TPD52L1: variants seen among roughly 807,000 people sequenced by gnomAD.
TPD52L1 encodes the protein TPD52 like 1.
TPD52L1 carries 18 observed loss-of-function variants against 28.7 expected under a neutral mutation model. The observed-to-expected ratio is 0.63, with a 90% CI of 0.43 to 0.93. The LOEUF is 0.93. TPD52L1 is among the 40% of genes least tolerant of loss of function. TPD52L1 has a pLI of 0.00. For synonymous variants in TPD52L1, 75 were observed against 88.8 expected (o/e 0.84, Z 0.88); for missense variants, 203 against 254.8 (o/e 0.80, Z 1.39).
intron 2 of TPD52L1, chr6:125,222,073 T>C (rs1795273616): frequency 6.6e-6 from 1 of 152,264 alleles, no homozygotes; most frequent in Admixed American, 6.5e-5. Flanking sequence ...CTCTGCTTTA[T>C]GCTCATTCTG....
chr6:125,216,525 G>GTATA (rs1554210698), intron 1 of TPD52L1, among the ~76,000 whole-genome samples: 45 of 104,834 alleles, frequency 4.3e-4, no homozygotes, highest in African/African-American at 9.0e-4. Context: ...TTCAGTATGT[G>GTATA]TGTGTATATA....
chr6:125,229,858 G>A (rs965361777), intron 3 of TPD52L1, among the ~76,000 whole-genome samples: 9 of 152,088 alleles, frequency 5.9e-5, no homozygotes, highest in African/African-American at 1.7e-4. Flanking sequence ...AAGCTGAGGC[G>A]GGTGGATCAC....
At chr6:125,220,830 A>T (rs1039875385) in intron 2 of TPD52L1, among the ~76,000 whole-genome samples, 12 of 152,132 alleles carry the variant, frequency 7.9e-5, no homozygotes, top group African/African-American at 2.9e-4. Flanking sequence ...TGCAATACCC[A>T]CTTTAGACAC....
chr6:125,156,924 A>G (rs967966458), intron 1 of TPD52L1, among the ~76,000 whole-genome samples: 134 of 152,310 alleles, frequency 8.8e-4, no homozygotes, highest in African/African-American at 3.2e-3. Context: ...TTTGCCTAGC[A>G]TTTTAAGATT....
chr6:125,228,666 C>A (rs867733659), intron 2 of TPD52L1, among the ~76,000 whole-genome samples: 8 of 152,226 alleles, frequency 5.3e-5, no homozygotes, highest in East Asian at 1.9e-4. Context: ...CATAGTGAGA[C>A]CCTGTCTCTT....
At chr6:125,214,713 CTAGGAAAA>C (rs1794746901) in intron 1 of TPD52L1, among the ~76,000 whole-genome samples, 1 of 152,096 alleles carries the variant, frequency 6.6e-6, no homozygotes, top group South Asian at 2.1e-4. Context: ...CTTAGACCAG[CTAGGAAAA>C]TATTACATTT....
intron 3 of TPD52L1, among the ~76,000 whole-genome samples, chr6:125,235,069 G>C (rs1401131337): frequency 6.7e-6 from 1 of 149,546 alleles, no homozygotes; most frequent in African/African-American, 2.5e-5. Flanking sequence ...ACTCCAGCCT[G>C]GGTGACCAAG....
At chr6:125,183,158 C>T (rs982067804) in intron 1 of TPD52L1, among the ~76,000 whole-genome samples, 1 of 152,094 alleles carries the variant, frequency 6.6e-6, no homozygotes, top group Non-Finnish European at 1.5e-5. Context: ...AACTTTTGAG[C>T]GGTGAGATTG....
At position 125,231,987 on chromosome 6, in the gene TPD52L1, G is replaced by T. The variant is rs185113380; in HGVS notation, c.284+2721G>T. ...TATTTGCTGCTGTGAGAAAGACTGAGAAACAAGTCTGGAGGAGAGGCACAA... is the reference window on the plus strand; with the variant it reads ...TATTTGCTGCTGTGAGAAAGACTGATAAACAAGTCTGGAGGAGAGGCACAA... On this transcript the variant is annotated intron_variant, in intron 3 of 6. Coordinates refer to ENST00000534000, the MANE Select transcript of TPD52L1 (RefSeq NM_003287.4). Among the ~76,000 whole-genome samples, 212 of 152,286 alleles carry T rather than the reference G, an allele frequency of 1.4e-3. 2 individuals are homozygous for T. Among genetic ancestry groups the T allele is most frequent in the African/African-American group, 4.9e-3 (205 of 41,564 alleles).
intron 1 of TPD52L1, among the ~76,000 whole-genome samples, chr6:125,182,427 T>C (rs1268143747): frequency 6.6e-6 from 1 of 152,138 alleles, no homozygotes; most frequent in Non-Finnish European, 1.5e-5. Flanking sequence ...AGTGAGGTGC[T>C]GATGAGTGTT....
intron 2 of TPD52L1, among the ~76,000 whole-genome samples, chr6:125,223,462 A>G (rs1582961859): frequency 1.3e-5 from 2 of 152,122 alleles, no homozygotes; most frequent in African/African-American, 4.8e-5. Context: ...TAATCCCAGC[A>G]CTTTGGGAGG....
intron 1 of TPD52L1, among the ~76,000 whole-genome samples, chr6:125,190,159 A>G (rs1792939070): frequency 6.6e-6 from 1 of 152,212 alleles, no homozygotes; most frequent in South Asian, 2.1e-4. Context: ...TGTGAACTAT[A>G]TTGATCATAA....
intron 1 of TPD52L1, among the ~76,000 whole-genome samples, chr6:125,183,432 T>C (rs1446548652): frequency 6.6e-6 from 1 of 152,084 alleles, no homozygotes; most frequent in Non-Finnish European, 1.5e-5. Context: ...TGAGCTGAGA[T>C]TGTGCCACTT....
At chr6:125,242,853 G>A (rs1247509944) in intron 3 of TPD52L1, among the ~76,000 whole-genome samples, 1 of 151,906 alleles carries the variant, frequency 6.6e-6, no homozygotes, top group Admixed American at 6.6e-5. Flanking sequence ...CCTAAATACT[G>A]TTTTGTTTTG....
chr6:125,175,220 T>G (rs1250346631), intron 1 of TPD52L1, among the ~76,000 whole-genome samples: 1 of 152,170 alleles, frequency 6.6e-6, no homozygotes, highest in African/African-American at 2.4e-5. Context: ...TGGAGAGCAC[T>G]CTATAAATAC....
At chr6:125,166,797 G>T (rs1174390447) in intron 1 of TPD52L1, among the ~76,000 whole-genome samples, 1 of 151,660 alleles carries the variant, frequency 6.6e-6, no homozygotes, top group Admixed American at 6.6e-5. Flanking sequence ...AAAGATAAAT[G>T]GGTCCTTAGG....
chr6:125,188,664 A>C (rs1792822114), intron 1 of TPD52L1, among the ~76,000 whole-genome samples: 1 of 152,090 alleles, frequency 6.6e-6, no homozygotes, highest in Admixed American at 6.6e-5. Context: ...ACTTTATTTT[A>C]TCTCATTTAA....
At chr6:125,188,562 G>A (rs1000991384) in intron 1 of TPD52L1, among the ~76,000 whole-genome samples, 3 of 152,168 alleles carry the variant, frequency 2.0e-5, no homozygotes, top group African/African-American at 7.2e-5. Flanking sequence ...ATGCCTGTGT[G>A]TGTGTGCATA....
intron 3 of TPD52L1, among the ~76,000 whole-genome samples, chr6:125,238,045 A>G (rs1196609511): frequency 6.6e-6 from 1 of 152,208 alleles, no homozygotes; most frequent in Admixed American, 6.5e-5. Context: ...GCATCCTAAA[A>G]ATATAACTGT....
Sources: gnomAD v4.1 joint callset for allele counts (sites outside exome capture counted in the v4.1 genomes callset) on GRCh38, gnomAD v4.1.1 for gene constraint, MANE v1.5 for transcripts, NCBI Gene and HGNC (gene_info 2026-07-23, HGNC 2026-07-21) for gene names.